Variants in GATAD2B observed in about 807,000 individuals in gnomAD.
The protein encoded by GATAD2B is GATA zinc finger domain containing 2B, also known as transcriptional repressor p66-beta.
GATAD2B carries 8 observed loss-of-function variants against 64.3 expected under a neutral mutation model. The ratio of observed to expected loss-of-function variants is 0.12; its 90% confidence interval spans 0.07 to 0.22. The LOEUF (loss-of-function observed/expected upper bound fraction) is 0.22. GATAD2B is among the 10% of genes least tolerant of loss of function. The pLI, the probability that GATAD2B is intolerant of heterozygous loss-of-function variation, is 1.00. For missense variants in GATAD2B, 453 were observed against 752.0 expected (o/e 0.60, Z 4.65); for synonymous variants, 281 against 271.3 (o/e 1.04, Z -0.35).
At chr1:153,866,202 C>CAAAA (rs68135109) in intron 1 of GATAD2B, among the ~76,000 whole-genome samples, 3 of 99,768 alleles carry the variant, frequency 3.0e-5, no homozygotes, top group Non-Finnish European at 2.0e-5. Context: ...CACTAGGTCT[C>CAAAA]AAAAAAAAAA....
At chr1:153,815,525 T>A (rs1266251180) in intron 7 of GATAD2B, among the ~76,000 whole-genome samples, 1 of 152,006 alleles carries the variant, frequency 6.6e-6, no homozygotes, top group African/African-American at 2.4e-5. Flanking sequence ...GTTGTTTCAC[T>A]TAAAGTCACA....
chr1:153,884,641 A>T (rs1459688607), intron 1 of GATAD2B, among the ~76,000 whole-genome samples: 1 of 152,136 alleles, frequency 6.6e-6, no homozygotes, highest in African/African-American at 2.4e-5. Context: ...GGTAAATATT[A>T]CTCAAGTTGT....
intron 1 of GATAD2B, among the ~76,000 whole-genome samples, chr1:153,894,604 T>G (rs1677523711): frequency 6.6e-6 from 1 of 152,090 alleles, no homozygotes; most frequent in Non-Finnish European, 1.5e-5. Context: ...GGCTCACGCC[T>G]GTAATCCTAG....
intron 1 of GATAD2B, among the ~76,000 whole-genome samples, chr1:153,837,758 A>G (rs889045847): frequency 5.3e-5 from 8 of 152,306 alleles, no homozygotes; most frequent in African/African-American, 1.9e-4. Flanking sequence ...TATGTCCCCT[A>G]TTATAAAACT....
chr1:153,835,865 G>A (rs1252168688), intron 1 of GATAD2B, among the ~76,000 whole-genome samples: 1 of 151,970 alleles, frequency 6.6e-6, no homozygotes, highest in African/African-American at 2.4e-5. Context: ...TGGGATTACA[G>A]GCGCGTACCA....
At chr1:153,915,608 G>A (rs1256531556) in intron 1 of GATAD2B, among the ~76,000 whole-genome samples, 1 of 151,752 alleles carries the variant, frequency 6.6e-6, no homozygotes, top group African/African-American at 2.4e-5. Flanking sequence ...AGTGGCACAG[G>A]CCTATAGACC....
chr1:153,828,627 C>G (rs1358562289), intron 1 of GATAD2B, among the ~76,000 whole-genome samples: 1 of 151,928 alleles, frequency 6.6e-6, no homozygotes, highest in African/African-American at 2.4e-5. Flanking sequence ...TGACACGTGC[C>G]CTTAATTCTA....
chr1:153,895,562 A>C (rs978178907), intron 1 of GATAD2B, among the ~76,000 whole-genome samples: 4 of 152,052 alleles, frequency 2.6e-5, no homozygotes, highest in African/African-American at 9.7e-5. Flanking sequence ...CCTGGGCAAC[A>C]GAGTGAGACC....
chr1:153,902,712 T>C (rs942454826), intron 1 of GATAD2B, among the ~76,000 whole-genome samples: 18 of 152,114 alleles, frequency 1.2e-4, no homozygotes, highest in African/African-American at 4.3e-4. Flanking sequence ...CACCTCAGCC[T>C]CCCAAAGTGT....
chr1:153,840,917 C>T (rs1349741379), intron 1 of GATAD2B, among the ~76,000 whole-genome samples: 1 of 151,778 alleles, frequency 6.6e-6, no homozygotes, highest in Non-Finnish European at 1.5e-5. Context: ...TGTGGTCAGG[C>T]GATCAAGACC....
intron 1 of GATAD2B, among the ~76,000 whole-genome samples, chr1:153,881,113 T>C (rs1676997155): frequency 6.6e-6 from 1 of 152,094 alleles, no homozygotes; most frequent in Non-Finnish European, 1.5e-5. Context: ...TTTCCTAGAC[T>C]GCAGGCCTTT....
At chr1:153,869,865 A>T (rs1259188237) in intron 1 of GATAD2B, among the ~76,000 whole-genome samples, 2 of 152,160 alleles carry the variant, frequency 1.3e-5, no homozygotes, top group Non-Finnish European at 2.9e-5. Context: ...GGTGACTCAC[A>T]CCTATAATCC....
chr1:153,908,562 G>C (rs555581934), intron 1 of GATAD2B, among the ~76,000 whole-genome samples: 1 of 150,928 alleles, frequency 6.6e-6, no homozygotes, highest in Non-Finnish European at 1.5e-5. Flanking sequence ...TCCGCCTCCC[G>C]GGTTCCAGCG....
intron 1 of GATAD2B, among the ~76,000 whole-genome samples, chr1:153,919,054 C>A (rs1014552853): frequency 2.6e-5 from 4 of 152,170 alleles, no homozygotes; most frequent in Admixed American, 2.0e-4. Context: ...CCCTTAATTT[C>A]TTTAGCAGTT....
intron 1 of GATAD2B, among the ~76,000 whole-genome samples, chr1:153,904,526 G>C (rs1175119889): frequency 1.3e-5 from 2 of 152,014 alleles, no homozygotes; most frequent in Non-Finnish European, 2.9e-5. Flanking sequence ...AAGATGTATG[G>C]AGCAACATAA....
intron 1 of GATAD2B, among the ~76,000 whole-genome samples, chr1:153,854,915 T>C (rs1676028727): frequency 6.6e-6 from 1 of 152,132 alleles, no homozygotes; most frequent in African/African-American, 2.4e-5. Flanking sequence ...ATGTGGAACA[T>C]ATTTCAAATC....
chr1:153,822,261 T>C (rs1674708566), intron 2 of GATAD2B, among the ~76,000 whole-genome samples: 1 of 152,174 alleles, frequency 6.6e-6, no homozygotes, highest in Non-Finnish European at 1.5e-5. Context: ...GCTCTTTCTA[T>C]TCTGGTCCTG....
intron 1 of GATAD2B, among the ~76,000 whole-genome samples, chr1:153,918,850 T>C (rs554148718): frequency 4.0e-5 from 6 of 150,430 alleles, no homozygotes; most frequent in East Asian, 3.9e-4. Context: ...ACTTGGGAGG[T>C]TGAGGCAGGA....
intron 1 of GATAD2B, among the ~76,000 whole-genome samples, chr1:153,908,162 A>G (rs1678006529): frequency 6.6e-6 from 1 of 152,126 alleles, no homozygotes; most frequent in African/African-American, 2.4e-5. Context: ...ACGCACGCAC[A>G]CATCTATGTG....
Sources: allele counts gnomAD v4.1 joint callset (sites outside exome capture counted in the v4.1 genomes callset), GRCh38; gene constraint gnomAD v4.1.1; transcripts MANE v1.5; gene names NCBI Gene and HGNC (gene_info 2026-07-23, HGNC 2026-07-21).